CSGALNACT1: variants seen among roughly 807,000 people sequenced by gnomAD.
The protein encoded by CSGALNACT1 is beta4GalNAcT-1.
Under a neutral mutation model 51.0 loss-of-function variants are expected in CSGALNACT1, and 52 were observed. The ratio of observed to expected loss-of-function variants is 1.02; its 90% CI spans 0.82 to 1.29. The LOEUF is 1.29. CSGALNACT1 is among the 50% of genes most tolerant of loss of function. The probability of loss-of-function intolerance (pLI) is 0.00; values close to 1 mark genes in which losing one functional copy is unlikely to be tolerated. For synonymous variants in CSGALNACT1, 341 were observed against 254.4 expected (o/e 1.34, Z -3.24); for missense variants, 935 against 679.2 (o/e 1.38, Z -4.19).
At chr8:19,641,215 CT>C (rs1224894073) in intron 1 of CSGALNACT1, among the ~76,000 whole-genome samples, 86 of 145,330 alleles carry the variant, frequency 5.9e-4, no homozygotes, top group African/African-American at 2.1e-3. Context: ...AGTGTTCAAG[CT>C]TTTCCAGGTA....
At chr8:19,455,538 T>C (rs766953818) in intron 5 of CSGALNACT1, among the ~76,000 whole-genome samples, 1 of 152,248 alleles carries the variant, frequency 6.6e-6, no homozygotes. Flanking sequence ...CATTTTTTTC[T>C]GCTATGTTTG....
In CSGALNACT1 at chr8:19,756,781, T is replaced by C. The variant is rs546883662; in HGVS notation, c.-297+1069A>G. Among the ~76,000 whole-genome samples the C allele has an allele frequency of 2.1e-3, 316 of 152,116 alleles. 1 individual carries two copies. The highest frequency in any genetic ancestry group is 7.2e-3 in the African/African-American group (298 of 41,514). ...CACAATAATACAATAACCGCAGTCA[T>C]CGCGCGGCACGTGGAAAGGCTACTT... On this transcript the variant is annotated intron_variant, in intron 1 of 1. Transcript: ENST00000517494.
chr8:19,542,467 A>G lies in CSGALNACT1; in HGVS notation c.-296-36337T>C, dbSNP rs367599418. 1.3e-4 allele frequency among the ~76,000 whole-genome samples: 20 copies of G among 152,312 alleles called. 1 individual carries two copies. The highest frequency in any genetic ancestry group is 4.8e-4 in the African/African-American group (20 of 41,572). On this transcript the variant is annotated intron_variant, in intron 3 of 9. Coordinates refer to ENST00000454498, the Ensembl canonical transcript of CSGALNACT1. ...TTCCATGTGACAGTCTCCCAGTCCCAGAGCCCTCGGTCTATTTTTCTCCTT... is the reference window on the plus strand; with the variant it reads ...TTCCATGTGACAGTCTCCCAGTCCCGGAGCCCTCGGTCTATTTTTCTCCTT...
upstream of CSGALNACT1, chr8:19,682,844 G>A (rs2060730024): frequency 2.4e-6 from 1 of 410,654 alleles, no homozygotes; most frequent in African/African-American, 2.0e-5. Context: ...ATCAGGGCCA[G>A]GACACTGCAG....
At chr8:19,678,060 C>T (rs993225795) in intron 1 of CSGALNACT1, among the ~76,000 whole-genome samples, 5 of 151,876 alleles carry the variant, frequency 3.3e-5, no homozygotes, top group South Asian at 4.2e-4. Context: ...TGAGCAGAAT[C>T]GTGCCACTGC....
chr8:19,610,247 G>A (rs1327486586), intron 1 of CSGALNACT1, among the ~76,000 whole-genome samples: 3 of 137,886 alleles, frequency 2.2e-5, no homozygotes, highest in South Asian at 2.3e-4. Flanking sequence ...CCAAAATTGT[G>A]CCACTGAACT....
intron 4 of CSGALNACT1, among the ~76,000 whole-genome samples, chr8:19,467,121 T>C: frequency 7.5e-6 from 1 of 133,274 alleles, no homozygotes; most frequent in Admixed American, 7.6e-5. Context: ...TTTTTTTTTT[T>C]TTTTTTTTTT....
chr8:19,532,561 G>A (rs976189929), intron 3 of CSGALNACT1, among the ~76,000 whole-genome samples: 3 of 152,090 alleles, frequency 2.0e-5, no homozygotes, highest in Non-Finnish European at 4.4e-5. Context: ...CTAAACCATG[G>A]CTTCAATCAT....
intron 3 of CSGALNACT1, among the ~76,000 whole-genome samples, chr8:19,556,666 G>C (rs1298005893): frequency 6.6e-6 from 1 of 152,134 alleles, no homozygotes; most frequent in Non-Finnish European, 1.5e-5. Context: ...GCTGCAAGCA[G>C]GCACAAGCTA....
In CSGALNACT1 at chr8:19,418,663, T is replaced by C. The variant is rs913439048; in HGVS notation, c.1220A>G (p.Gln407Arg). Residue 407 changes from glutamine to arginine, a missense_variant, in exon 8 of 10, where the codon CAG (glutamine) becomes CGG (arginine). Gln to Arg is a conservative substitution (Grantham distance 43). Transcript: ENST00000454498. ...TGCAGGGTAATTACTCACCAGCTGC[T>C]GTTCCAAGGGAGGGACTGCATCATG... 1.2e-6 allele frequency: 2 copies of C among 1,607,126 alleles called. No individual in the cohort carries two copies. The highest frequency in any genetic ancestry group is 2.7e-5 in the African/African-American group (2 of 74,788).
chr8:19,473,555 T>G (rs147783698), intron 4 of CSGALNACT1, among the ~76,000 whole-genome samples: 1 of 152,320 alleles, frequency 6.6e-6, no homozygotes, highest in African/African-American at 2.4e-5. Flanking sequence ...CCACTGACTT[T>G]CTACCACCTT....
chr8:19,508,111 T>C (rs1040287653), intron 3 of CSGALNACT1, among the ~76,000 whole-genome samples: 3 of 152,246 alleles, frequency 2.0e-5, no homozygotes, highest in South Asian at 4.1e-4. Flanking sequence ...CATTTACTGG[T>C]AGTCTATCCT....
At chr8:19,541,600 A>T (rs1173972941) in intron 3 of CSGALNACT1, among the ~76,000 whole-genome samples, 1 of 111,400 alleles carries the variant, frequency 9.0e-6, no homozygotes, top group Non-Finnish European at 1.8e-5. Flanking sequence ...GGAATTCACC[A>T]CATTGGCCAG....
At chr8:19,645,874 C>A (rs1320349089) in intron 1 of CSGALNACT1, among the ~76,000 whole-genome samples, 2 of 152,202 alleles carry the variant, frequency 1.3e-5, no homozygotes, top group South Asian at 2.1e-4. Flanking sequence ...CCACCCCACA[C>A]CAACTCCAAA....
chr8:19,528,356 T>C (rs1185487215), intron 3 of CSGALNACT1, among the ~76,000 whole-genome samples: 4 of 151,562 alleles, frequency 2.6e-5, no homozygotes, highest in Non-Finnish European at 5.9e-5. Flanking sequence ...ATTCCGCTAT[T>C]AGACATAAAC....
At chr8:19,748,493 T>C (rs1309948044) in intron 1 of CSGALNACT1, among the ~76,000 whole-genome samples, 2 of 152,202 alleles carry the variant, frequency 1.3e-5, no homozygotes, top group Non-Finnish European at 2.9e-5. Flanking sequence ...CAATGCTCCT[T>C]GACACTCGTT....
At chr8:19,748,462 G>A (rs1417943601) in intron 1 of CSGALNACT1, among the ~76,000 whole-genome samples, 1 of 152,088 alleles carries the variant, frequency 6.6e-6, no homozygotes, top group East Asian at 1.9e-4. Flanking sequence ...AGCAAATATA[G>A]CATGCTCCTC....
chr8:19,726,202 A>G (rs2063391633), intron 1 of CSGALNACT1, among the ~76,000 whole-genome samples: 3 of 152,212 alleles, frequency 2.0e-5, no homozygotes, highest in Admixed American at 6.5e-5. Context: ...GTAAATAGTT[A>G]CAGACTTTAA....
Position 19,722,814 on chromosome 8 carries a change from G to A in CSGALNACT1, c.-297+35036C>T, listed in dbSNP as rs191430997. 6.1e-3 allele frequency among the ~76,000 whole-genome samples: 929 copies of A among 152,256 alleles called. 8 individuals are homozygous for A. Among genetic ancestry groups the A allele is most frequent in the Middle Eastern group, 0.014 (4 of 294 alleles). ...TTGCAATAGGAATTAACATGTTGGGGACCAGTATATTCTCCCCAGGTAGCA... is the reference window on the plus strand; with the variant it reads ...TTGCAATAGGAATTAACATGTTGGGAACCAGTATATTCTCCCCAGGTAGCA... On this transcript the variant is annotated intron_variant, in intron 1 of 1. Transcript: ENST00000517494.
Sources: gnomAD v4.1 joint callset for allele counts (sites outside exome capture counted in the v4.1 genomes callset) on GRCh38, gnomAD v4.1.1 for gene constraint, MANE v1.5 for transcripts, NCBI Gene and HGNC (gene_info 2026-07-23, HGNC 2026-07-21) for gene names.